Variants in DIAPH2 observed in about 807,000 individuals in gnomAD.
DIAPH2 encodes the protein protein diaphanous homolog 2.
A neutral mutation model predicts 92.7 loss-of-function variants in DIAPH2; 35 were observed. That is an observed-to-expected ratio of 0.38 (90% confidence interval 0.29 to 0.50). DIAPH2 has a LOEUF of 0.50. Ranked by LOEUF, DIAPH2 falls within the 20% of genes least tolerant of loss-of-function variation. The probability of loss-of-function intolerance (pLI) is 0.94; values close to 1 mark genes in which losing one functional copy is unlikely to be tolerated. For missense variants in DIAPH2, 701 were observed against 819.5 expected (o/e 0.86, Z 1.77); for synonymous variants, 301 against 280.4 (o/e 1.07, Z -0.73).
At chrX:97,199,185 C>T (rs181482887) in intron 22 of DIAPH2, among the ~76,000 whole-genome samples, 151 of 108,403 alleles carry the variant, frequency 1.4e-3, no homozygotes, top group Admixed American at 0.013. Context: ...AAGTAATCTT[C>T]CCATAAGGTG....
intron 23 of DIAPH2, among the ~76,000 whole-genome samples, chrX:97,344,552 T>C (rs1322564545): frequency 1.8e-5 from 2 of 112,566 alleles, no homozygotes; most frequent in Non-Finnish European, 3.7e-5. Flanking sequence ...GTTGCAATTG[T>C]GAAAAATTTC....
chrX:97,208,862 G>A (rs982106057), intron 22 of DIAPH2, among the ~76,000 whole-genome samples: 1 of 110,333 alleles, frequency 9.1e-6, no homozygotes, highest in African/African-American at 3.3e-5. Context: ...TAAGGCAGCG[G>A]TGAGGGGTTT....
chrX:97,498,341 A>G (rs1406281504), intron 26 of DIAPH2, among the ~76,000 whole-genome samples: 1 of 111,693 alleles, frequency 9.0e-6, no homozygotes, highest in Admixed American at 9.5e-5. Flanking sequence ...TCTGCCTAAC[A>G]TACATATCCG....
chrX:96,709,039 G>A (rs1183338405), intron 1 of DIAPH2, among the ~76,000 whole-genome samples: 1 of 111,639 alleles, frequency 9.0e-6, no homozygotes, highest in Non-Finnish European at 1.9e-5. Flanking sequence ...TTCCATAATG[G>A]CTTATTTTAA....
In DIAPH2 at chrX:96,805,224, C is replaced by CAA. The variant is rs1273303832; in HGVS notation, c.447+46967_447+46968insAA. Among the ~76,000 whole-genome samples the CAA allele has an allele frequency of 4.2e-4, 46 of 109,782 alleles. 1 individual carries two copies. Among genetic ancestry groups the CAA allele is most frequent in the African/African-American group, 1.4e-3 (41 of 30,185 alleles). On this transcript the variant is annotated intron_variant, in intron 4 of 26. Transcript: ENST00000324765. ...ATATATTTATACACACACACACATA[C>CAA]ACACACATATATATACACATACATA... is the stretch of plus-strand genomic sequence containing the variant.
chrX:96,938,909 G>A (rs981154524), intron 11 of DIAPH2, among the ~76,000 whole-genome samples: 6 of 111,545 alleles, frequency 5.4e-5, no homozygotes, highest in Non-Finnish European at 1.1e-4. Context: ...GAATAATATA[G>A]GTCCTCTATC....
At chrX:97,305,828 A>C (rs2078815348) in intron 23 of DIAPH2, among the ~76,000 whole-genome samples, 1 of 106,951 alleles carries the variant, frequency 9.4e-6, no homozygotes, top group Non-Finnish European at 1.9e-5. Context: ...CTTCTCCAAA[A>C]AAAAAAAAAA....
intron 23 of DIAPH2, among the ~76,000 whole-genome samples, chrX:97,323,903 CAAAA>C (rs1052365967): frequency 1.8e-4 from 7 of 39,188 alleles, no homozygotes; most frequent in Admixed American, 1.2e-3. Context: ...AACTCTGTCT[CAAAA>C]AAAAAAAAAA....
chrX:97,458,140 A>G lies in DIAPH2; in HGVS notation c.3241+28395A>G, dbSNP rs187309149. Among the ~76,000 whole-genome samples the G allele has an allele frequency of 2.7e-5, 3 of 110,927 alleles. No homozygotes were observed. The East Asian group carries it at 8.5e-4, about 32-fold the overall frequency. On this transcript the variant is annotated intron_variant, in intron 26 of 26. Transcript: ENST00000324765. ...CAATCACACAAACCAACCCAGAAAC[A>G]ATGTGGGAGGGAATTACACCAGAGT...
chrX:97,598,134 A>T (rs1318110245), intron 26 of DIAPH2, among the ~76,000 whole-genome samples: 1 of 111,459 alleles, frequency 9.0e-6, no homozygotes, highest in Non-Finnish European at 1.9e-5. Flanking sequence ...AACAGGCAGG[A>T]TGTGTTAGTT....
chrX:97,222,024 T>C (rs1363678245), intron 22 of DIAPH2, among the ~76,000 whole-genome samples: 1 of 111,711 alleles, frequency 9.0e-6, no homozygotes, highest in African/African-American at 3.3e-5. Flanking sequence ...GTTATTCCAA[T>C]GGTATTCAAA....
chrX:96,775,346 C>T (rs1311868557), intron 4 of DIAPH2, among the ~76,000 whole-genome samples: 3 of 45,688 alleles, frequency 6.6e-5, no homozygotes, highest in Non-Finnish European at 1.7e-4. Flanking sequence ...TTTTACTCAA[C>T]GTGTGCTTGT....
chrX:96,763,624 A>G (rs773194756), intron 4 of DIAPH2, among the ~76,000 whole-genome samples: 1 of 111,667 alleles, frequency 9.0e-6, no homozygotes, highest in East Asian at 2.8e-4. Flanking sequence ...AAGTCATGTA[A>G]TTTCTCTGGG....
intron 19 of DIAPH2, among the ~76,000 whole-genome samples, chrX:97,083,689 G>A (rs750621078): frequency 7.1e-5 from 8 of 111,957 alleles, no homozygotes; most frequent in African/African-American, 2.6e-4. Context: ...ATTGTCTTAA[G>A]AATTACTTTT....
At chrX:97,537,350 C>G (rs1215909387) in intron 26 of DIAPH2, among the ~76,000 whole-genome samples, 1 of 111,763 alleles carries the variant, frequency 8.9e-6, no homozygotes, top group African/African-American at 3.2e-5. Flanking sequence ...AAAATCCTAT[C>G]TTATATTTGA....
At chrX:96,892,577 A>G (rs1467772413) in intron 5 of DIAPH2, among the ~76,000 whole-genome samples, 2 of 111,962 alleles carry the variant, frequency 1.8e-5, no homozygotes, top group Non-Finnish European at 1.9e-5. Context: ...ATTATATACT[A>G]TTAGCTTCAA....
Position 97,147,602 on chromosome X carries a change from C to T in DIAPH2, c.2719+5808C>T, listed in dbSNP as rs749988291. Among the ~76,000 whole-genome samples, 3 of 110,747 alleles carry T rather than the reference C, an allele frequency of 2.7e-5. No individual in the cohort carries two copies. The South Asian group carries it at 1.1e-3, about 42-fold the overall frequency. ...AATGGTTAGTAAAGTTTAATTAAAGCTATTTTATTCAAAAGGGGGAAATTA... is the reference window on the plus strand; with the variant it reads ...AATGGTTAGTAAAGTTTAATTAAAGTTATTTTATTCAAAAGGGGGAAATTA... On this transcript the variant is annotated intron_variant, in intron 22 of 26. Transcript: ENST00000324765.
chrX:96,836,715 ATATTTTTTTTTTT>A (rs2064893902), intron 4 of DIAPH2, among the ~76,000 whole-genome samples: 4 of 21,076 alleles, frequency 1.9e-4, no homozygotes, highest in African/African-American at 7.8e-4. Flanking sequence ...ATATATATAT[ATATTTTTTTTTTT>A]TTTTTTTTTT....
rs911196812 is a variant in DIAPH2, at chrX:96,786,335, G to T, written c.447+28077G>T. Among the ~76,000 whole-genome samples, 42 of 111,930 alleles carry T rather than the reference G, an allele frequency of 3.8e-4. 1 individual carries two copies. Among genetic ancestry groups the T allele is most frequent in the African/African-American group, 1.3e-3 (39 of 30,831 alleles). ...TGTAAGTGCTCATCTGATTACCAGG[G>T]AGTCATGAAGGTACTGTGGAGAAAG... On this transcript the variant is annotated intron_variant, in intron 4 of 26. Coordinates refer to ENST00000324765, the MANE Select transcript of DIAPH2 (RefSeq NM_006729.5).
Sources: allele counts gnomAD v4.1 joint callset (sites outside exome capture counted in the v4.1 genomes callset), GRCh38; gene constraint gnomAD v4.1.1; transcripts MANE v1.5; gene names NCBI Gene and HGNC (gene_info 2026-07-23, HGNC 2026-07-21).